CALN1: variants seen among roughly 807,000 people sequenced by gnomAD.
The protein encoded by CALN1 is calneuron 1.
In CALN1, 17 loss-of-function variants were observed where a neutral mutation model predicts 30.6. That is an observed-to-expected ratio of 0.56 (90% CI 0.38 to 0.83). CALN1 has a LOEUF of 0.83. Among genes scored for constraint, CALN1 ranks in the 40% least tolerant of loss-of-function variants. CALN1 has a pLI of 0.00. For missense variants in CALN1, 291 were observed against 354.9 expected (o/e 0.82, Z 1.45); for synonymous variants, 156 against 131.4 (o/e 1.19, Z -1.28).
At chr7:72,297,442 G>C (rs970686093) in intron 2 of CALN1, among the ~76,000 whole-genome samples, 1 of 152,070 alleles carries the variant, frequency 6.6e-6, no homozygotes, top group Non-Finnish European at 1.5e-5. Context: ...AGCATAAATA[G>C]ATAACATCCT....
chr7:72,184,430 T>A lies in CALN1; in HGVS notation c.245-78136A>T, dbSNP rs1228056884. On this transcript the variant is annotated intron_variant, in intron 3 of 6. Transcript: ENST00000395275. ...GATACACGAATTTGTATTTTCATAT[T>A]TATGAGTTCATATTTTTATGTGTAT... Among the ~76,000 whole-genome samples the A allele has an allele frequency of 5.9e-5, 9 of 152,224 alleles. 1 individual carries two copies. The East Asian group carries it at 1.7e-3, about 29-fold the overall frequency.
chr7:72,198,802 AG>A (rs1791217020), intron 3 of CALN1, among the ~76,000 whole-genome samples: 2 of 152,330 alleles, frequency 1.3e-5, no homozygotes, highest in African/African-American at 4.8e-5. Flanking sequence ...CTAGGACCAC[AG>A]GCTTGCTTTC....
chr7:72,454,972 C>T, the CALN1 span, among the ~76,000 whole-genome samples: 1 of 152,048 alleles, frequency 6.6e-6, no homozygotes, highest in African/African-American at 2.4e-5. Flanking sequence ...GCTGGGATTA[C>T]AGGCATGCCC....
chr7:72,340,874 GCTCT>G (rs767965662), intron 2 of CALN1, among the ~76,000 whole-genome samples: 28 of 151,684 alleles, frequency 1.8e-4, no homozygotes, highest in Non-Finnish European at 2.9e-4. Context: ...CTTTCACTTG[GCTCT>G]CTCTCTCTCA....
In CALN1 at chr7:71,847,847, G is replaced by GAGAAGA. The variant is rs66530230; in HGVS notation, c.502-37361_502-37356dup. 1.5e-3 allele frequency among the ~76,000 whole-genome samples: 199 copies of GAGAAGA among 134,868 alleles called. 1 individual carries two copies. Among genetic ancestry groups the GAGAAGA allele is most frequent in the African/African-American group, 2.0e-3 (70 of 34,294 alleles). The allele number at this position is 134,868 out of a possible 152,430, so 88.5% of individuals were successfully genotyped here. A position where few individuals can be genotyped will look rare whatever the true frequency, so the allele number is the denominator to read the frequency against. ...GGAGAAGGAGAAGGAGAAGGAGAAG[G>GAGAAGA]AGAAGAAGAAGAGGAAAGTTTTCCC... On this transcript the variant is annotated intron_variant, in intron 5 of 6. Coordinates refer to ENST00000395275, the MANE Select transcript of CALN1 (RefSeq NM_031468.4).
chr7:71,952,214 G>C lies in CALN1; in HGVS notation c.501+71443C>G, dbSNP rs188380759. Among the ~76,000 whole-genome samples the C allele has an allele frequency of 2.8e-4, 42 of 152,306 alleles. No individual in the cohort carries two copies. In the East Asian group the frequency reaches 7.9e-3, roughly 29 times the overall value. On this transcript the variant is annotated intron_variant, in intron 5 of 6. Transcript: ENST00000395275. Reference sequence around the variant, plus strand: ...CAACTGCTAAATTGAAGATACCACAGGTCACCTGGCAGGATCTTCCTAAAT... The same window carrying C: ...CAACTGCTAAATTGAAGATACCACACGTCACCTGGCAGGATCTTCCTAAAT...
chr7:72,185,204 G>A (rs549015006), intron 3 of CALN1, among the ~76,000 whole-genome samples: 1 of 152,124 alleles, frequency 6.6e-6, no homozygotes, highest in African/African-American at 2.4e-5. Flanking sequence ...AAGAGTCCAA[G>A]CGTAGAAAAT....
In CALN1 at chr7:71,781,687, T is replaced by A. The variant is rs1414398636; in HGVS notation, c.*6088A>T. ...CCACTGGAAAATTCCAGCCTCTGCA[T>A]CCTTTCCACTTGGACAATAACTTCT... is the stretch of plus-strand genomic sequence containing the variant. On this transcript the variant is annotated 3_prime_UTR_variant, in exon 7 of 7. Transcript: ENST00000395275. 6.6e-6 allele frequency: 1 copy of A among 152,218 alleles called. No individual in the cohort carries two copies. Among genetic ancestry groups the A allele is most frequent in the Non-Finnish European group, 1.5e-5 (1 of 68,054 alleles). 9.4% of individuals were successfully genotyped at this position (152,218 alleles called of 1,614,324 possible).
chr7:71,831,807 G>C (rs746854577), intron 5 of CALN1, among the ~76,000 whole-genome samples: 1 of 128,254 alleles, frequency 7.8e-6, no homozygotes, highest in African/African-American at 2.9e-5. Context: ...CAGAAGAATC[G>C]CATGAGCCCG....
chr7:72,449,791 C>T (rs1477101286), upstream of CALN1, among the ~76,000 whole-genome samples: 3 of 133,486 alleles, frequency 2.2e-5, no homozygotes, highest in Non-Finnish European at 3.1e-5. Flanking sequence ...AGGAGAATGG[C>T]GTGAACCTGG....
At chr7:72,244,377 T>C (rs1484537400) in intron 3 of CALN1, among the ~76,000 whole-genome samples, 1 of 152,184 alleles carries the variant, frequency 6.6e-6, no homozygotes. Context: ...ACAAATACCA[T>C]ATTAAGTTCC....
At chr7:71,874,816 C>T (rs1391386682) in intron 5 of CALN1, among the ~76,000 whole-genome samples, 1 of 151,878 alleles carries the variant, frequency 6.6e-6, no homozygotes, top group Non-Finnish European at 1.5e-5. Context: ...GAGCCGAGTC[C>T]AGCAGGGCCG....
At chr7:71,828,577 C>T (rs1033753270) in intron 5 of CALN1, among the ~76,000 whole-genome samples, 1 of 148,580 alleles carries the variant, frequency 6.7e-6, no homozygotes, top group African/African-American at 2.6e-5. Context: ...ATCTGTCTCT[C>T]ATCTTCCAGT....
At chr7:72,086,865 A>G (rs1805518340) in intron 4 of CALN1, among the ~76,000 whole-genome samples, 1 of 152,232 alleles carries the variant, frequency 6.6e-6, no homozygotes, top group Non-Finnish European at 1.5e-5. Flanking sequence ...CAGTTTTTCA[A>G]TTATCGTAAA....
chr7:72,369,295 A>G (rs1318642652), intron 2 of CALN1, among the ~76,000 whole-genome samples: 2 of 147,180 alleles, frequency 1.4e-5, no homozygotes, highest in East Asian at 1.9e-4. Context: ...TAAAATATAT[A>G]TATTTATATA....
intron 4 of CALN1, among the ~76,000 whole-genome samples, chr7:72,046,276 C>G (rs928808317): frequency 6.6e-6 from 1 of 151,998 alleles, no homozygotes; most frequent in African/African-American, 2.4e-5. Context: ...TTTTTCTTGC[C>G]CAGGCCGGAG....
intron 5 of CALN1, among the ~76,000 whole-genome samples, chr7:72,005,538 C>T (rs951891910): frequency 1.3e-5 from 2 of 152,038 alleles, no homozygotes; most frequent in African/African-American, 4.8e-5. Context: ...TGCCATGTTT[C>T]CCAGGCTGGT....
At chr7:72,144,426 A>G (rs898642656) in intron 3 of CALN1, among the ~76,000 whole-genome samples, 5 of 152,258 alleles carry the variant, frequency 3.3e-5, no homozygotes, top group Non-Finnish European at 7.3e-5. Context: ...AGAGCTAACT[A>G]TCTTAAATAT....
At chr7:72,136,365 T>C (rs1391080244) in intron 3 of CALN1, among the ~76,000 whole-genome samples, 3 of 152,176 alleles carry the variant, frequency 2.0e-5, no homozygotes, top group Non-Finnish European at 4.4e-5. Context: ...CAAACTTTTT[T>C]TCTGCAGCTT....
Sources: gnomAD v4.1 joint callset for allele counts (sites outside exome capture counted in the v4.1 genomes callset) on GRCh38, gnomAD v4.1.1 for gene constraint, MANE v1.5 for transcripts, NCBI Gene and HGNC (gene_info 2026-07-23, HGNC 2026-07-21) for gene names.